Variants in DDX10 observed in about 807,000 individuals in gnomAD.
DDX10 encodes the protein DEAD-box helicase 10, also known as probable ATP-dependent RNA helicase DDX10.
Under a neutral mutation model 104.3 loss-of-function variants are expected in DDX10, and 74 were observed. The observed-to-expected ratio is 0.71, with a 90% CI of 0.59 to 0.86. DDX10 has a LOEUF of 0.86. Among genes scored for constraint, DDX10 ranks in the 40% least tolerant of loss-of-function variants. The pLI is 0.00. For synonymous variants in DDX10, 351 were observed against 353.4 expected (o/e 0.99, Z 0.08); for missense variants, 952 against 1,040.0 (o/e 0.92, Z 1.16).
intron 11 of DDX10, among the ~76,000 whole-genome samples, chr11:108,718,300 G>T (rs984811051): frequency 6.6e-6 from 1 of 152,136 alleles, no homozygotes; most frequent in Non-Finnish European, 1.5e-5. Flanking sequence ...GCATCAAATG[G>T]TAAGCTATAC....
intron 13 of DDX10, among the ~76,000 whole-genome samples, chr11:108,801,491 G>A (rs1862019828): frequency 6.6e-6 from 1 of 152,250 alleles, no homozygotes; most frequent in Non-Finnish European, 1.5e-5. Flanking sequence ...AAGATGAGAG[G>A]TCAGAAGACC....
intron 16 of DDX10, among the ~76,000 whole-genome samples, chr11:108,876,308 A>T (rs886945857): frequency 1.3e-5 from 2 of 152,066 alleles, no homozygotes; most frequent in Non-Finnish European, 2.9e-5. Flanking sequence ...ATTTTCTGTC[A>T]TCAAATGAGG....
intron 16 of DDX10, among the ~76,000 whole-genome samples, chr11:108,857,646 A>G (rs1223165545): frequency 6.6e-6 from 1 of 152,170 alleles, no homozygotes; most frequent in African/African-American, 2.4e-5. Flanking sequence ...GGTCACTCAT[A>G]TTATGATTTC....
At chr11:108,738,519 T>C (rs1591805631) in intron 13 of DDX10, among the ~76,000 whole-genome samples, 1 of 152,136 alleles carries the variant, frequency 6.6e-6, no homozygotes, top group African/African-American at 2.4e-5. Context: ...ATGCTATCAA[T>C]ATCCTGGAGC....
At chr11:108,838,999 A>T (rs965070646) in intron 14 of DDX10, among the ~76,000 whole-genome samples, 3 of 152,076 alleles carry the variant, frequency 2.0e-5, no homozygotes, top group Non-Finnish European at 1.5e-5. Context: ...TATGGGAGGG[A>T]ATTCTCTGCT....
At chr11:108,835,860 A>G (rs568169201) in intron 13 of DDX10, among the ~76,000 whole-genome samples, 1 of 151,714 alleles carries the variant, frequency 6.6e-6, no homozygotes, top group Non-Finnish European at 1.5e-5. Context: ...TTGTAGGGAG[A>G]GTAGCCTTTG....
chr11:108,930,991 G>A (rs1863969040), intron 17 of DDX10, among the ~76,000 whole-genome samples: 1 of 152,102 alleles, frequency 6.6e-6, no homozygotes, highest in Non-Finnish European at 1.5e-5. Context: ...TAACCTAACA[G>A]GGACCCAGAA....
At position 108,857,567 on chromosome 11, in the gene DDX10, A is replaced by C. The variant is rs552437936; in HGVS notation, c.2304+5358A>C. Among the ~76,000 whole-genome samples, 9 of 152,186 alleles carry C rather than the reference A, an allele frequency of 5.9e-5. No individual in the cohort carries two copies. In the East Asian group the frequency reaches 1.7e-3, roughly 29 times the overall value. ...TTCCTTTGTGTGCCTATCTCTCATC[A>C]CAGTGCTTTGTTGGCTGAGGGCAGG... On this transcript the variant is annotated intron_variant, in intron 16 of 17. Transcript: ENST00000322536.
At chr11:108,886,361 T>A (rs749225031) in intron 16 of DDX10, among the ~76,000 whole-genome samples, 11 of 152,196 alleles carry the variant, frequency 7.2e-5, no homozygotes, top group Non-Finnish European at 1.5e-4. Flanking sequence ...AGAGCTAGGG[T>A]TCAAACTCAG....
At chr11:108,915,417 A>G (rs1011909569) in intron 16 of DDX10, among the ~76,000 whole-genome samples, 2 of 150,494 alleles carry the variant, frequency 1.3e-5, no homozygotes, top group African/African-American at 4.9e-5. Context: ...CAGCTTCCCA[A>G]TACTAAAAAG....
At chr11:108,688,352 A>T (rs2094247519) in intron 6 of DDX10, among the ~76,000 whole-genome samples, 1 of 152,224 alleles carries the variant, frequency 6.6e-6, no homozygotes, top group African/African-American at 2.4e-5. Flanking sequence ...AAACACCTAG[A>T]TACTATCTAA....
intron 13 of DDX10, among the ~76,000 whole-genome samples, chr11:108,741,726 A>C (rs1027750159): frequency 6.6e-6 from 1 of 152,166 alleles, no homozygotes; most frequent in Non-Finnish European, 1.5e-5. Flanking sequence ...TCCTAGGTGT[A>C]GAATCATGTC....
chr11:108,939,163 G>A (rs1864072678), intron 17 of DDX10, among the ~76,000 whole-genome samples: 1 of 152,184 alleles, frequency 6.6e-6, no homozygotes, highest in Admixed American at 6.5e-5. Context: ...AGGGTTAGAA[G>A]TGTTAACTAA....
chr11:108,704,519 G>A (rs2094273111), intron 9 of DDX10, among the ~76,000 whole-genome samples: 1 of 152,126 alleles, frequency 6.6e-6, no homozygotes, highest in South Asian at 2.1e-4. Flanking sequence ...TCTTTCCTTG[G>A]TGGAGTGTGA....
intron 13 of DDX10, among the ~76,000 whole-genome samples, chr11:108,794,746 G>A (rs1861916027): frequency 6.6e-6 from 1 of 151,780 alleles, no homozygotes; most frequent in Admixed American, 6.6e-5. Context: ...TTTATATGTA[G>A]CTTGGTTCAC....
chr11:108,722,859 A>G (rs1359668981), intron 12 of DDX10, 138 bp from the exon 13 acceptor site: 13 of 1,318,090 alleles, frequency 9.9e-6, no homozygotes, highest in Non-Finnish European at 1.3e-5. Context: ...CTAACCTGTT[A>G]GTATTGAGTT....
intron 13 of DDX10, among the ~76,000 whole-genome samples, chr11:108,731,210 C>T (rs2094311833): frequency 6.6e-6 from 1 of 151,910 alleles, no homozygotes; most frequent in African/African-American, 2.4e-5. Flanking sequence ...GCCACCACAC[C>T]CAGCTAATTT....
intron 13 of DDX10, among the ~76,000 whole-genome samples, chr11:108,761,073 A>T (rs2094350299): frequency 6.6e-6 from 1 of 152,126 alleles, no homozygotes; most frequent in Admixed American, 6.6e-5. Context: ...TAAGGTATAA[A>T]ATGAAAATAA....
chr11:108,839,338 G>GC (rs1862604862), intron 14 of DDX10, among the ~76,000 whole-genome samples: 2 of 152,130 alleles, frequency 1.3e-5, no homozygotes, highest in South Asian at 4.1e-4. Flanking sequence ...CTCTCACCCT[G>GC]CCTCACTTTT....
Sources: allele counts gnomAD v4.1 joint callset (sites outside exome capture counted in the v4.1 genomes callset), GRCh38; gene constraint gnomAD v4.1.1; transcripts MANE v1.5; gene names NCBI Gene and HGNC (gene_info 2026-07-23, HGNC 2026-07-21).